Variants in ADAP1 observed in about 807,000 individuals in gnomAD.
ADAP1 encodes arf-GAP with dual PH domain-containing protein 1.
A neutral mutation model predicts 54.9 loss-of-function variants in ADAP1; 31 were observed. The ratio of observed to expected loss-of-function variants is 0.56; its 90% CI spans 0.42 to 0.76. ADAP1 has a LOEUF of 0.76. Ranked by LOEUF, ADAP1 falls within the 30% of genes least tolerant of loss-of-function variation. The pLI is 0.00. For missense variants in ADAP1, 535 were observed against 512.4 expected, an observed-to-expected ratio of 1.04 and a Z score of -0.42; for synonymous variants, 313 against 202.6, an observed-to-expected ratio of 1.55 and a Z score of -4.63.
intron 4 of ADAP1, among the ~76,000 whole-genome samples, chr7:909,068 G>A (rs552234555): frequency 9.5e-4 from 145 of 152,290 alleles, no homozygotes; most frequent in Non-Finnish European, 1.3e-3. Flanking sequence ...CTGCCCCTCT[G>A]CACGCGCGCA....
At position 954,402 on chromosome 7, in the gene ADAP1, C is replaced by A; in HGVS notation, c.76G>T (p.Ala26Ser). Residue 26 changes from alanine to serine, a missense_variant, in exon 1 of 11, where the codon GCC becomes TCC. Transcript: ENST00000265846. ...CCACCCGGCCCACACCTACCCGGGG[C>A]GCCGCAGTCCGCGCAGCGCGCGTTC... ...PGNARCADCG[A>S]PDPDWASYTL... The A allele has an allele frequency of 1.8e-6, 2 of 1,124,296 alleles. No individual in the cohort carries two copies. The highest frequency in any genetic ancestry group is 2.0e-5 in the South Asian group (1 of 48,986). The allele number at this position is 1,124,296 out of a possible 1,614,324, so 69.6% of individuals were successfully genotyped here.
Position 906,690 on chromosome 7 carries a change from GGGACAT to G in ADAP1, c.389-1524_389-1519del, listed in dbSNP as rs1402200416. Among the ~76,000 whole-genome samples the G allele has an allele frequency of 1.8e-4, 11 of 61,106 alleles. 1 individual carries two copies. In the East Asian group the frequency reaches 0.011, roughly 59 times the overall value. The allele number at this position is 61,106 out of a possible 152,430, so 40.1% of individuals were successfully genotyped here. A position where few individuals can be genotyped will look rare whatever the true frequency, so the allele number is the denominator to read the frequency against. On this transcript the variant is annotated intron_variant, in intron 4 of 10. Transcript: ENST00000265846. ...AAGGGGACATGGACAGGGGACACGG[GGGACAT>G]GGACATGGGGGACGGGACATCGGGG... is the stretch of plus-strand genomic sequence containing the variant.
intron 4 of ADAP1, among the ~76,000 whole-genome samples, chr7:910,220 C>T (rs558352340): frequency 2.0e-5 from 3 of 152,242 alleles, no homozygotes; most frequent in African/African-American, 7.2e-5. Flanking sequence ...GAAGTGAAAT[C>T]CGAGGAAACA....
intron 7 of ADAP1, 103 bp from the exon 8 acceptor site, chr7:900,267 T>A: frequency 7.0e-7 from 1 of 1,422,192 alleles, no homozygotes; most frequent in Non-Finnish European, 9.8e-7. Context: ...GGCCACCAGG[T>A]CAGGGCCCAG....
At chr7:907,877 C>G (rs1260112693) in intron 4 of ADAP1, among the ~76,000 whole-genome samples, 1 of 151,970 alleles carries the variant, frequency 6.6e-6, no homozygotes, top group African/African-American at 2.4e-5. Flanking sequence ...GTGGGCGCCG[C>G]CTCTCCGGAG....
In ADAP1 at chr7:918,854, C is replaced by G. The variant is rs141229250; in HGVS notation, c.388+1114G>C. Reference sequence around the variant, plus strand: ...CAGACAGGAGGAGGAAGCCAGCCCACCCGGCTGGGGGCTCCAACTCAAAGC... The same window carrying G: ...CAGACAGGAGGAGGAAGCCAGCCCAGCCGGCTGGGGGCTCCAACTCAAAGC... On this transcript the variant is annotated intron_variant, in intron 4 of 10. Coordinates refer to ENST00000265846, the MANE Select transcript of ADAP1 (RefSeq NM_006869.4). 3.6e-4 allele frequency among the ~76,000 whole-genome samples: 53 copies of G among 148,702 alleles called. No individual in the cohort carries two copies. The East Asian group carries it at 0.01, about 29-fold the overall frequency.
At chr7:908,119 G>A (rs116450416) in intron 4 of ADAP1, among the ~76,000 whole-genome samples, 12 of 152,260 alleles carry the variant, frequency 7.9e-5, no homozygotes, top group African/African-American at 2.6e-4. Flanking sequence ...TGAGGGCAGG[G>A]GCTGCTGACC....
Position 898,658 on chromosome 7 carries a change from G to A in ADAP1, c.*263C>T, listed in dbSNP as rs986566097. The A allele has an allele frequency of 1.8e-5, 10 of 544,764 alleles. No individual in the cohort carries two copies. Among genetic ancestry groups the A allele is most frequent in the African/African-American group, 7.6e-5 (4 of 52,610 alleles). 33.7% of individuals were successfully genotyped at this position (544,764 alleles called of 1,614,324 possible). A position where few individuals can be genotyped will look rare whatever the true frequency, so the allele number is the denominator to read the frequency against. ...TGGGCCCTGGAGGAAAGGGGGCCCC[G>A]GGTCAGGGAGGGGCAGGTTGGCTGG... On this transcript the variant is annotated 3_prime_UTR_variant, in exon 11 of 11. Transcript: ENST00000265846.
intron 3 of ADAP1, among the ~76,000 whole-genome samples, chr7:924,737 C>T (rs1180085301): frequency 6.6e-6 from 1 of 151,718 alleles, no homozygotes; most frequent in Non-Finnish European, 1.5e-5. Flanking sequence ...GCACCCCCAG[C>T]CCCCCGCACC....
intron 4 of ADAP1, among the ~76,000 whole-genome samples, chr7:914,409 G>A (rs923138306): frequency 6.6e-6 from 1 of 152,210 alleles, no homozygotes. Flanking sequence ...AACGCCGCCG[G>A]GAATCCCCAG....
intron 8 of ADAP1, 142 bp from the exon 9 acceptor site, chr7:899,632 C>A (rs1844684792): frequency 2.3e-6 from 2 of 888,702 alleles, no homozygotes; most frequent in Admixed American, 2.7e-5. Context: ...GCTGGCCACG[C>A]CCCACGAGGC....
chr7:901,007 T>C (rs2128633338), intron 6 of ADAP1: 1 of 483,818 alleles, frequency 2.1e-6, no homozygotes, highest in Non-Finnish European at 4.2e-6. Flanking sequence ...TTTATGAAGA[T>C]CCTTATTTTG....
rs560274824 is a variant in ADAP1, at chr7:901,220, G to A, written c.649-604C>T. ...CAGGCCTGGCACCCAGCCCCACGTC[G>A]GGTGCCCTCTGGGTCTAGACTTCAG... On this transcript the variant is annotated intron_variant, in intron 6 of 10. Transcript: ENST00000265846. 56 of 358,490 alleles carry A rather than the reference G, an allele frequency of 1.6e-4. 1 individual carries two copies. The highest frequency in any genetic ancestry group is 4.8e-4 in the South Asian group (23 of 47,748). 22.2% of individuals were successfully genotyped at this position (358,490 alleles called of 1,614,324 possible).
In ADAP1 at chr7:954,585, C is replaced by A; in HGVS notation, c.-108G>T. 11 of 986,108 alleles carry A rather than the reference C, an allele frequency of 1.1e-5. No homozygotes were observed. Among genetic ancestry groups the A allele is most frequent in the Non-Finnish European group, 1.3e-5 (11 of 831,652 alleles). 61.1% of individuals were successfully genotyped at this position (986,108 alleles called of 1,614,324 possible). On this transcript the variant is annotated 5_prime_UTR_variant, in exon 1 of 11. Coordinates refer to ENST00000265846, the MANE Select transcript of ADAP1 (RefSeq NM_006869.4). ...CCGCCGCCGCCGCCCCTGCGCCATC[C>A]CGGGCGGCCTCAGCCCGCGCGCCGG... is the stretch of plus-strand genomic sequence containing the variant.
intron 4 of ADAP1, among the ~76,000 whole-genome samples, chr7:906,728 C>G (rs1562915442): frequency 1.1e-4 from 4 of 35,322 alleles, no homozygotes; most frequent in African/African-American, 6.0e-4. Flanking sequence ...GGGGACGGGA[C>G]ATGGGGGACA....
Position 898,191 on chromosome 7 carries a change from G to A in ADAP1, c.*730C>T, listed in dbSNP as rs62430818. ...GCCTGCAGCAAGCGCGACAGTGCCC[G>A]GGACCCCCAGGGCCACTCCTGCCTC... On this transcript the variant is annotated 3_prime_UTR_variant, in exon 11 of 11. Coordinates refer to ENST00000265846, the MANE Select transcript of ADAP1 (RefSeq NM_006869.4). The A allele has an allele frequency of 0.026, 3,944 of 152,664 alleles. 77 individuals are homozygous for A. The highest frequency in any genetic ancestry group is 0.038 in the Non-Finnish European group (2,583 of 68,266). The allele number at this position is 152,664 out of a possible 1,614,324, so 9.5% of individuals were successfully genotyped here. A position where few individuals can be genotyped will look rare whatever the true frequency, so the allele number is the denominator to read the frequency against.
rs747516605 is a variant in ADAP1, at chr7:920,858, C to T, written c.306-808G>A. 6.0e-5 allele frequency: 93 copies of T among 1,550,084 alleles called. No homozygotes were observed. In the East Asian group the frequency reaches 7.6e-4, roughly 13 times the overall value. On this transcript the variant is annotated intron_variant, in intron 3 of 10. Coordinates refer to ENST00000265846, the MANE Select transcript of ADAP1 (RefSeq NM_006869.4). This position sits in a 1 kb window ranked among gnomAD's most constrained non-coding sequence, Gnocchi z 4.5. ...GGCACGGCCCAGGTGCACAGGCAGC[C>T]GCCCCAGCCTTTTCCACTCCCAGGG...
At chr7:900,412 G>A in intron 7 of ADAP1, 121 bp downstream of exon 7, 2 of 1,149,396 alleles carry the variant, frequency 1.7e-6, no homozygotes. Context: ...TGAGCCCTTG[G>A]CCAGTCCCAG....
chr7:949,427 G>C (rs1583191430), intron 1 of ADAP1, among the ~76,000 whole-genome samples: 1 of 152,270 alleles, frequency 6.6e-6, no homozygotes, highest in East Asian at 1.9e-4. Flanking sequence ...GCCAGGTACT[G>C]CCACAGAGCA....
Sources: gnomAD v4.1 joint callset for allele counts (sites outside exome capture counted in the v4.1 genomes callset) on GRCh38, gnomAD v4.1.1 for gene constraint, Gnocchi (gnomAD v3.1) non-coding constraint, MANE v1.5 for transcripts, NCBI Gene and HGNC (gene_info 2026-07-23, HGNC 2026-07-21) for gene names.